LYPLAL1: variants seen among roughly 807,000 people sequenced by gnomAD.
LYPLAL1 encodes the protein lysophospholipase-like protein 1.
A neutral mutation model predicts 19.7 loss-of-function variants in LYPLAL1; 23 were observed. The ratio of observed to expected loss-of-function variants is 1.17; its 90% CI spans 0.84 to 1.65. The LOEUF (loss-of-function observed/expected upper bound fraction) is 1.65, where lower values mean the gene tolerates loss of function less well. Ranked by LOEUF, LYPLAL1 falls within the 40% of genes most tolerant of loss-of-function variation. LYPLAL1 has a pLI of 0.00. For missense variants in LYPLAL1, 355 were observed against 279.4 expected, an observed-to-expected ratio of 1.27 and a Z score of -1.93; for synonymous variants, 119 against 96.3, an observed-to-expected ratio of 1.24 and a Z score of -1.38.
chr1:219,416,460 T>C, the LYPLAL1 span, among the ~76,000 whole-genome samples: 1 of 152,096 alleles, frequency 6.6e-6, no homozygotes, highest in African/African-American at 2.4e-5. Flanking sequence ...AAGAGTGAGG[T>C]GGTGGTGTTA....
At chr1:219,324,554 T>C in the LYPLAL1 span, among the ~76,000 whole-genome samples, 2 of 152,188 alleles carry the variant, frequency 1.3e-5, no homozygotes, top group African/African-American at 4.8e-5. Context: ...TGGATAACCA[T>C]GAAGCCATCT....
the LYPLAL1 span, among the ~76,000 whole-genome samples, chr1:219,346,296 C>T: frequency 6.6e-6 from 1 of 152,012 alleles, no homozygotes; most frequent in Admixed American, 6.6e-5. Context: ...AGGTGGCCAA[C>T]TGAAAGCAGG....
chr1:219,444,083 A>G, the LYPLAL1 span, among the ~76,000 whole-genome samples: 7 of 152,082 alleles, frequency 4.6e-5, no homozygotes, highest in East Asian at 1.4e-3. Flanking sequence ...TTTTTTTCTC[A>G]TCAACATTAT....
the LYPLAL1 span, among the ~76,000 whole-genome samples, chr1:219,247,019 T>C: frequency 2.0e-5 from 3 of 152,332 alleles, no homozygotes; most frequent in East Asian, 5.8e-4. Flanking sequence ...CCTGTATCTG[T>C]TTTCTCATTT....
chr1:219,408,781 A>C, the LYPLAL1 span, among the ~76,000 whole-genome samples: 1 of 152,160 alleles, frequency 6.6e-6, no homozygotes, highest in Non-Finnish European at 1.5e-5. Flanking sequence ...GTGGACAAAT[A>C]GGTGGTTGAG....
chr1:219,248,234 G>T, the LYPLAL1 span, among the ~76,000 whole-genome samples: 9 of 152,040 alleles, frequency 5.9e-5, no homozygotes, highest in African/African-American at 2.2e-4. Flanking sequence ...GACTCTTTGT[G>T]CTGCTCTTTG....
chr1:219,319,624 T>C, the LYPLAL1 span, among the ~76,000 whole-genome samples: 1 of 152,296 alleles, frequency 6.6e-6, no homozygotes, highest in South Asian at 2.1e-4. Context: ...AAAAGAAATG[T>C]GCTTCACAGG....
At chr1:219,379,666 GA>G in the LYPLAL1 span, among the ~76,000 whole-genome samples, 1 of 152,110 alleles carries the variant, frequency 6.6e-6, no homozygotes, top group South Asian at 2.1e-4. Flanking sequence ...GTCTTAGAAA[GA>G]AAAAATAATA....
chr1:219,295,706 C>T, the LYPLAL1 span, among the ~76,000 whole-genome samples: 1 of 152,246 alleles, frequency 6.6e-6, no homozygotes, highest in African/African-American at 2.4e-5. Context: ...ATTGTTCTGT[C>T]CCCTACTCCA....
the LYPLAL1 span, among the ~76,000 whole-genome samples, chr1:219,423,420 A>G: frequency 7.9e-5 from 12 of 152,146 alleles, no homozygotes; most frequent in African/African-American, 2.9e-4. Flanking sequence ...TCGTTTTGCT[A>G]TGGTGATTCA....
chr1:219,221,248 A>G, the LYPLAL1 span, among the ~76,000 whole-genome samples: 4 of 152,160 alleles, frequency 2.6e-5, no homozygotes, highest in Non-Finnish European at 5.9e-5. Context: ...ACACCAGCAG[A>G]TTTCAGCTTA....
At chr1:219,336,076 T>C in the LYPLAL1 span, among the ~76,000 whole-genome samples, 1 of 150,336 alleles carries the variant, frequency 6.7e-6, no homozygotes, top group Non-Finnish European at 1.5e-5. Context: ...TTTGACAACA[T>C]TGCTCACAAA....
At chr1:219,177,403 C>T (rs1429321462) in intron 1 of LYPLAL1, among the ~76,000 whole-genome samples, 1 of 152,150 alleles carries the variant, frequency 6.6e-6, no homozygotes, top group South Asian at 2.1e-4. Context: ...TCATTCTTAG[C>T]TTATCCTCCT....
chr1:219,359,437 G>A, the LYPLAL1 span, among the ~76,000 whole-genome samples: 2 of 152,206 alleles, frequency 1.3e-5, no homozygotes, highest in Non-Finnish European at 2.9e-5. Flanking sequence ...TTACTTTGGA[G>A]ATCAGACAAG....
At chr1:219,218,957 T>C in the LYPLAL1 span, among the ~76,000 whole-genome samples, 16 of 152,078 alleles carry the variant, frequency 1.1e-4, no homozygotes, top group African/African-American at 3.4e-4. Flanking sequence ...CCAGCTGTCC[T>C]CCTCCTTAAG....
the LYPLAL1 span, among the ~76,000 whole-genome samples, chr1:219,381,879 A>C: frequency 6.6e-6 from 1 of 152,324 alleles, no homozygotes; most frequent in Admixed American, 6.5e-5. Context: ...ACACAGTACA[A>C]TACGAGCTAT....
chr1:219,341,311 A>G, the LYPLAL1 span, among the ~76,000 whole-genome samples: 1 of 152,110 alleles, frequency 6.6e-6, no homozygotes, highest in African/African-American at 2.4e-5. Flanking sequence ...ACTTTTAACA[A>G]TATATTATGC....
chr1:219,367,830 CT>C, the LYPLAL1 span, among the ~76,000 whole-genome samples: 1 of 152,014 alleles, frequency 6.6e-6, no homozygotes, highest in Non-Finnish European at 1.5e-5. Context: ...GTGTATTTTA[CT>C]TTTGTTCATT....
the LYPLAL1 span, among the ~76,000 whole-genome samples, chr1:219,288,252 T>C: frequency 6.6e-6 from 1 of 152,250 alleles, no homozygotes; most frequent in African/African-American, 2.4e-5. Flanking sequence ...AAAGAAACTG[T>C]GGTATGTTCA....
Sources: allele counts gnomAD v4.1 joint callset (sites outside exome capture counted in the v4.1 genomes callset), GRCh38; gene constraint gnomAD v4.1.1; transcripts MANE v1.5; gene names NCBI Gene and HGNC (gene_info 2026-07-23, HGNC 2026-07-21).